Variants in OGDH observed in about 807,000 individuals in gnomAD.
The protein encoded by OGDH is oxoglutarate dehydrogenase.
A neutral mutation model predicts 116.6 loss-of-function variants in OGDH; 38 were observed. The ratio of observed to expected loss-of-function variants is 0.33; its 90% CI spans 0.25 to 0.43. OGDH has a LOEUF of 0.43. Among genes scored for constraint, OGDH ranks in the 20% least tolerant of loss-of-function variants. The probability of loss-of-function intolerance (pLI) is 1.00; values close to 1 mark genes in which losing one functional copy is unlikely to be tolerated. For synonymous variants in OGDH, 488 were observed against 533.3 expected, an observed-to-expected ratio of 0.92 and a Z score of 1.17; for missense variants, 825 against 1,357.2, an observed-to-expected ratio of 0.61 and a Z score of 6.16.
intron 4 of OGDH, among the ~76,000 whole-genome samples, chr7:44,663,534 T>G (rs982813714): frequency 1.3e-5 from 2 of 152,166 alleles, no homozygotes; most frequent in Non-Finnish European, 1.5e-5. Flanking sequence ...TTTGGGAGAC[T>G]GAGGCGGGCA....
chr7:44,706,149 C>T (rs1789061143), intron 20 of OGDH, among the ~76,000 whole-genome samples: 1 of 151,692 alleles, frequency 6.6e-6, no homozygotes, highest in South Asian at 2.1e-4. Flanking sequence ...CACCATGTTG[C>T]CCAGGCTGGT....
chr7:44,696,668 C>A, intron 14 of OGDH, 111 bp downstream of exon 14: 2 of 1,465,668 alleles, frequency 1.4e-6, no homozygotes, highest in Non-Finnish European at 1.9e-6. Flanking sequence ...CAGAGACTCC[C>A]TTCCTGCCCT....
chr7:44,697,167 C>A lies in OGDH; in HGVS notation c.2051+103C>A. On this transcript the variant is annotated intron_variant, in intron 15 of 22. Coordinates refer to ENST00000222673, the MANE Select transcript of OGDH (RefSeq NM_002541.4). This position sits in a 1 kb window ranked among gnomAD's most constrained non-coding sequence, Gnocchi z 6.0. Reference sequence around the variant, plus strand: ...GAAGACGGTTAGAAACCGGAAGAGTCACATTGCTCTCAGGCTGAAAACCTC... The same window carrying A: ...GAAGACGGTTAGAAACCGGAAGAGTAACATTGCTCTCAGGCTGAAAACCTC... The A allele has an allele frequency of 6.6e-7, 1 of 1,511,224 alleles. No individual in the cohort carries two copies. Among genetic ancestry groups the A allele is most frequent in the South Asian group, 1.2e-5 (1 of 80,026 alleles). The allele number at this position is 1,511,224 out of a possible 1,614,324, so 93.6% of individuals were successfully genotyped here. A position where few individuals can be genotyped will look rare whatever the true frequency, so the allele number is the denominator to read the frequency against.
In OGDH at chr7:44,701,556, C is replaced by A; in HGVS notation, c.2573C>A (p.Thr858Asn). 6.2e-7 allele frequency: 1 copy of A among 1,614,020 alleles called. No individual in the cohort carries two copies. Among genetic ancestry groups the A allele is most frequent in the Non-Finnish European group, 8.5e-7 (1 of 1,179,912 alleles). The change falls in exon 20 of 23, where the codon ACC (threonine) becomes AAC (asparagine). Residue 858 changes from threonine to asparagine, a missense_variant. Thr to Asn is a moderately conservative substitution (Grantham distance 65). Coordinates refer to ENST00000222673, the MANE Select transcript of OGDH (RefSeq NM_002541.4). ...TCTGTATTTCAGTTAATTATCTTCA[C>A]CCCCAAATCCCTGTTGCGCCACCCC... ...LPFRKPLIIF[T>N]PKSLLRHPEA...
chr7:44,654,821 C>T (rs1313933317), intron 4 of OGDH, among the ~76,000 whole-genome samples: 1 of 152,194 alleles, frequency 6.6e-6, no homozygotes, highest in African/African-American at 2.4e-5. Context: ...TTCTGTGCTT[C>T]ACTTGGAAGT....
intron 10 of OGDH, among the ~76,000 whole-genome samples, chr7:44,688,062 T>G (rs996726434): frequency 2.6e-5 from 4 of 152,192 alleles, no homozygotes; most frequent in African/African-American, 7.2e-5. Flanking sequence ...TTTCTACTTT[T>G]GGGCTATTAT....
chr7:44,664,029 C>A (rs758196131), intron 4 of OGDH, among the ~76,000 whole-genome samples: 3 of 151,910 alleles, frequency 2.0e-5, no homozygotes, highest in Non-Finnish European at 4.4e-5. Flanking sequence ...GTGTTGATGT[C>A]TGTTGATTTT....
intron 5 of OGDH, among the ~76,000 whole-genome samples, chr7:44,670,468 G>C (rs1243450382): frequency 6.6e-6 from 1 of 152,166 alleles, no homozygotes; most frequent in Non-Finnish European, 1.5e-5. Flanking sequence ...CCTCTTTGAA[G>C]GTTCTCATTA....
At chr7:44,671,457 A>G (rs1438214486) in intron 5 of OGDH, among the ~76,000 whole-genome samples, 7 of 152,106 alleles carry the variant, frequency 4.6e-5, no homozygotes, top group Non-Finnish European at 1.0e-4. Context: ...GGGGGAACAA[A>G]CGGGTTAATA....
intron 4 of OGDH, among the ~76,000 whole-genome samples, chr7:44,649,837 A>G (rs1175089685): frequency 6.6e-6 from 1 of 152,150 alleles, no homozygotes; most frequent in Non-Finnish European, 1.5e-5. Flanking sequence ...AGGCCATCAC[A>G]AGGTCTTACC....
At chr7:44,704,011 A>G (rs1421958984) in intron 20 of OGDH, among the ~76,000 whole-genome samples, 5 of 152,198 alleles carry the variant, frequency 3.3e-5, no homozygotes, top group Admixed American at 2.6e-4. Context: ...AGGAGCTGCT[A>G]TGAACATTGG....
At chr7:44,629,270 T>A (rs2117322625) in intron 2 of OGDH, among the ~76,000 whole-genome samples, 1 of 152,330 alleles carries the variant, frequency 6.6e-6, no homozygotes, top group East Asian at 1.9e-4. Context: ...TTGAGTTCCT[T>A]GTGATGCATC....
At chr7:44,699,465 T>G (rs1461662342) in intron 18 of OGDH, among the ~76,000 whole-genome samples, 1 of 150,406 alleles carries the variant, frequency 6.6e-6, no homozygotes, top group African/African-American at 2.4e-5. Flanking sequence ...AGAAAATGAT[T>G]AGGTGTCAGT....
At position 44,688,683 on chromosome 7, in the gene OGDH, G is replaced by T. The variant is rs1788238985; in HGVS notation, c.1336-5142G>T. 2.6e-5 allele frequency among the ~76,000 whole-genome samples: 4 copies of T among 151,788 alleles called. No homozygotes were observed. In the South Asian group the frequency reaches 8.3e-4, roughly 32 times the overall value. On this transcript the variant is annotated intron_variant, in intron 10 of 22. Coordinates refer to ENST00000222673, the MANE Select transcript of OGDH (RefSeq NM_002541.4). ...CTGACCTCATGATCCGCCAGCCTCG[G>T]CCTCCTAGAGTGCTGGGATTACAAG... is the stretch of plus-strand genomic sequence containing the variant.
intron 5 of OGDH, among the ~76,000 whole-genome samples, chr7:44,670,638 G>T (rs919895071): frequency 2.0e-5 from 3 of 152,274 alleles, no homozygotes; most frequent in African/African-American, 7.2e-5. Context: ...GGATTAGGGG[G>T]CCAACTACAC....
At chr7:44,664,355 G>A (rs550464516) in intron 4 of OGDH, among the ~76,000 whole-genome samples, 1 of 152,200 alleles carries the variant, frequency 6.6e-6, no homozygotes, top group African/African-American at 2.4e-5. Flanking sequence ...CCTCTGTGAT[G>A]GGGTTGGGTG....
At chr7:44,679,483 C>G (rs1562667076) in intron 9 of OGDH, among the ~76,000 whole-genome samples, 1 of 152,156 alleles carries the variant, frequency 6.6e-6, no homozygotes, top group Non-Finnish European at 1.5e-5. Context: ...CCCTGACACA[C>G]AAATCATGGG....
intron 1 of OGDH, among the ~76,000 whole-genome samples, chr7:44,607,584 C>CA (rs1267547616): frequency 6.6e-6 from 1 of 152,178 alleles, no homozygotes; most frequent in East Asian, 1.9e-4. Context: ...CTAGTTGCAA[C>CA]AGTCAAACTG....
Position 44,707,411 on chromosome 7 carries a change from G to T in OGDH, c.2796+23G>T. On this transcript the variant is annotated intron_variant, in intron 21 of 22. Coordinates refer to ENST00000222673, the MANE Select transcript of OGDH (RefSeq NM_002541.4). The surrounding 1 kb of genome is among the most constrained non-coding windows in gnomAD (Gnocchi z 5.2). ...CAGGTGAGGGCAGGTGGTGCCATCA[G>T]GGTGTCCCCCCAGCGGGGGTCAGGG... The T allele has an allele frequency of 6.2e-7, 1 of 1,613,640 alleles. No homozygotes were observed. The highest frequency in any genetic ancestry group is 8.5e-7 in the Non-Finnish European group (1 of 1,179,708).
Sources: gnomAD v4.1 joint callset for allele counts (sites outside exome capture counted in the v4.1 genomes callset) on GRCh38, gnomAD v4.1.1 for gene constraint, Gnocchi (gnomAD v3.1) non-coding constraint, MANE v1.5 for transcripts, NCBI Gene and HGNC (gene_info 2026-07-23, HGNC 2026-07-21) for gene names.